The following PCDHA3 variants were observed in gnomAD, a reference collection of about 807,000 sequenced individuals.
PCDHA3 encodes the protein protocadherin alpha-3.
In PCDHA3, 41 loss-of-function variants were observed where a neutral mutation model predicts 62.2. The observed-to-expected ratio is 0.66, with a 90% CI of 0.51 to 0.86. The LOEUF (loss-of-function observed/expected upper bound fraction) is 0.86. Among genes scored for constraint, PCDHA3 ranks in the 40% least tolerant of loss-of-function variants. PCDHA3 has a pLI of 0.00. For missense variants in PCDHA3, 1,304 were observed against 1,241.2 expected (o/e 1.05, Z -0.76); for synonymous variants, 640 against 555.4 (o/e 1.15, Z -2.14).
At chr5:140,843,231 T>C in intron 1 of PCDHA3, 3 of 1,596,108 alleles carry the variant, frequency 1.9e-6, no homozygotes, top group South Asian at 1.1e-5. Flanking sequence ...ACTCGTGTCC[T>C]GGACGAAGCG....
intron 1 of PCDHA3, chr5:140,823,711 C>A: frequency 1.9e-6 from 3 of 1,613,966 alleles, no homozygotes; most frequent in Non-Finnish European, 2.5e-6. Context: ...GCGCCACCGC[C>A]TTCTGGTGCT....
Position 140,848,448 on chromosome 5 carries a change from T to G in PCDHA3, c.2394+44857T>G, listed in dbSNP as rs2150410519. 45 of 1,511,666 alleles carry G rather than the reference T, an allele frequency of 3.0e-5. 2 individuals carry two copies. The highest frequency in any genetic ancestry group is 3.9e-5 in the Non-Finnish European group (43 of 1,111,010). 93.6% of individuals were successfully genotyped at this position (1,511,666 alleles called of 1,614,324 possible). The stretch of plus-strand genomic sequence containing the variant: ...ACTGACGAAATCAGATGATTTCTTC[T>G]AATTTGGAGGCAATTTTCACTAATT... On this transcript the variant is annotated intron_variant, in intron 1 of 3. Transcript: ENST00000522353.
chr5:140,869,221 A>G, intron 1 of PCDHA3: 1 of 1,613,848 alleles, frequency 6.2e-7, no homozygotes, highest in South Asian at 1.1e-5. Flanking sequence ...GGAGGAGGCC[A>G]AACACGGCAC....
Position 140,969,579 on chromosome 5 carries a change from G to A in PCDHA3, c.2395-9370G>A, listed in dbSNP as rs373969836. Reference sequence around the variant, plus strand: ...TCCATAAAATTGTTTGAGAAGTGAGGATTAGTCTTAATATTTAATGCTAAA... The same window carrying A: ...TCCATAAAATTGTTTGAGAAGTGAGAATTAGTCTTAATATTTAATGCTAAA... On this transcript the variant is annotated intron_variant, in intron 1 of 3. Coordinates refer to ENST00000522353, the MANE Select transcript of PCDHA3 (RefSeq NM_018906.3). 1,666 of 951,704 alleles carry A rather than the reference G, an allele frequency of 1.8e-3. 9 individuals carry two copies. The Middle Eastern group carries it at 0.019, about 11-fold the overall frequency. 59.0% of individuals were successfully genotyped at this position (951,704 alleles called of 1,614,324 possible). A position where few individuals can be genotyped will look rare whatever the true frequency, so the allele number is the denominator to read the frequency against.
intron 1 of PCDHA3, among the ~76,000 whole-genome samples, chr5:140,888,358 C>T (rs2061801167): frequency 6.6e-6 from 1 of 152,178 alleles, no homozygotes; most frequent in Non-Finnish European, 1.5e-5. Flanking sequence ...TTGCTACTGG[C>T]ATCTAATAAT....
intron 1 of PCDHA3, among the ~76,000 whole-genome samples, chr5:140,893,840 T>C (rs548325710): frequency 6.6e-6 from 1 of 152,312 alleles, no homozygotes; most frequent in Non-Finnish European, 1.5e-5. Flanking sequence ...GCCATCCTGA[T>C]GCCCTACCTC....
At chr5:140,813,435 T>C (rs1404458461) in intron 1 of PCDHA3, 6 of 152,198 alleles carry the variant, frequency 3.9e-5, no homozygotes, top group African/African-American at 1.4e-4. Flanking sequence ...CTGAATACTA[T>C]AGGGAATTGT....
chr5:140,803,066 C>G lies in PCDHA3; in HGVS notation c.1869C>G (p.Arg623=). The G allele has an allele frequency of 6.2e-7, 1 of 1,613,952 alleles. No individual in the cohort carries two copies. Among genetic ancestry groups the G allele is most frequent in the Non-Finnish European group, 8.5e-7 (1 of 1,179,944 alleles). ...PGTGGARIPF[R]VGLYTGEIST... ...CCGGCGGTGCGCGCATCCCGTTTCG[C>G]GTGGGGCTGTACACGGGAGAGATCA... is the stretch of plus-strand genomic sequence containing the variant. The change falls in exon 1 of 4, where the codon CGC becomes CGG. Residue 623 remains arginine (R), a synonymous_variant. Coordinates refer to ENST00000522353, the MANE Select transcript of PCDHA3 (RefSeq NM_018906.3).
At chr5:140,870,388 G>A (rs1487402100) in intron 1 of PCDHA3, 5 of 1,614,232 alleles carry the variant, frequency 3.1e-6, no homozygotes, top group Non-Finnish European at 4.2e-6. Context: ...TGCGCGGGAT[G>A]GGGGTTCGCC....
rs2150519656 is a variant in PCDHA3, at chr5:140,852,588, T to TA, written c.2394+48997_2394+48998insA. On this transcript the variant is annotated intron_variant, in intron 1 of 3. Transcript: ENST00000522353. ...ACTGTGCCAAGGCTTTTTTATTTTT[T>TA]TTTTTTGTCATTTTCTTTCAAAACT... is the stretch of plus-strand genomic sequence containing the variant. The TA allele has an allele frequency of 3.3e-3, 2,940 of 881,502 alleles. 187 individuals are homozygous for TA. In the African/African-American group the frequency reaches 0.044, roughly 13 times the overall value. The allele number at this position is 881,502 out of a possible 1,614,324, so 54.6% of individuals were successfully genotyped here.
chr5:140,821,865 C>A, intron 1 of PCDHA3: 1 of 1,614,214 alleles, frequency 6.2e-7, no homozygotes, highest in Non-Finnish European at 8.5e-7. Flanking sequence ...GCGGCCAGCT[C>A]CACTACTCGA....
intron 1 of PCDHA3, among the ~76,000 whole-genome samples, chr5:140,944,533 AG>A (rs1276351803): frequency 6.6e-6 from 1 of 152,148 alleles, no homozygotes; most frequent in Non-Finnish European, 1.5e-5. Flanking sequence ...AAATGATTTA[AG>A]TATTTAAAGA....
chr5:140,955,658 AT>A (rs1187332497), intron 1 of PCDHA3, among the ~76,000 whole-genome samples: 1 of 152,156 alleles, frequency 6.6e-6, no homozygotes, highest in African/African-American at 2.4e-5. Flanking sequence ...ACACATATGA[AT>A]TTTAACATAG....
intron 1 of PCDHA3, among the ~76,000 whole-genome samples, chr5:140,879,372 G>T (rs1434937494): frequency 1.3e-5 from 2 of 152,172 alleles, no homozygotes; most frequent in African/African-American, 4.8e-5. Context: ...CCAACCTGCA[G>T]AACAAGGTTG....
chr5:140,982,324 C>G, intron 2 of PCDHA3, 151 bp from the exon 3 acceptor site: 2 of 1,393,878 alleles, frequency 1.4e-6, no homozygotes, highest in East Asian at 5.1e-5. Context: ...TGCAGGGTGA[C>G]TGCTCAGCAG....
At chr5:140,975,364 C>G (rs2096664243) in intron 1 of PCDHA3, among the ~76,000 whole-genome samples, 1 of 152,204 alleles carries the variant, frequency 6.6e-6, no homozygotes, top group South Asian at 2.1e-4. Flanking sequence ...TGCTACATAG[C>G]ATAATGTAAT....
At position 140,876,322 on chromosome 5, in the gene PCDHA3, A is replaced by C. The variant is rs146464308; in HGVS notation, c.2394+72731A>C. On this transcript the variant is annotated intron_variant, in intron 1 of 3. Transcript: ENST00000522353. ...AGAAATTTCCTATGGGATCAAAATG[A>C]TTTTGCCAGTGAGTGAGAAATGTAT... 2.9e-4 allele frequency: 465 copies of C among 1,614,034 alleles called. 1 individual carries two copies. In the African/African-American group the frequency reaches 5.7e-3, roughly 20 times the overall value.
chr5:140,838,509 T>C (rs1297577022), intron 1 of PCDHA3, among the ~76,000 whole-genome samples: 1 of 151,988 alleles, frequency 6.6e-6, no homozygotes, highest in Non-Finnish European at 1.5e-5. Context: ...TTTTTAAAAG[T>C]ATTTGCATCT....
chr5:140,905,580 T>C (rs2071928885), intron 1 of PCDHA3, among the ~76,000 whole-genome samples: 1 of 152,168 alleles, frequency 6.6e-6, no homozygotes, highest in Non-Finnish European at 1.5e-5. Flanking sequence ...AGAATGATAA[T>C]GATATTTTGC....
Sources: gnomAD v4.1 joint callset for allele counts (sites outside exome capture counted in the v4.1 genomes callset) on GRCh38, gnomAD v4.1.1 for gene constraint, MANE v1.5 for transcripts, NCBI Gene and HGNC (gene_info 2026-07-23, HGNC 2026-07-21) for gene names.